Variants in CNTNAP5 observed in about 807,000 individuals in gnomAD.
CNTNAP5 encodes contactin-associated protein-like 5.
In CNTNAP5, 72 loss-of-function variants were observed where a neutral mutation model predicts 150.2. The observed-to-expected ratio is 0.48, with a 90% CI of 0.40 to 0.58. The LOEUF is 0.58. CNTNAP5 is among the 20% of genes least tolerant of loss of function. The pLI is 0.00. For synonymous variants in CNTNAP5, 672 were observed against 619.8 expected, an observed-to-expected ratio of 1.08 and a Z score of -1.25; for missense variants, 1,636 against 1,626.2, an observed-to-expected ratio of 1.01 and a Z score of -0.10.
At chr2:124,685,397 A>G (rs186044846) in intron 13 of CNTNAP5, among the ~76,000 whole-genome samples, 83 of 152,242 alleles carry the variant, frequency 5.5e-4, no homozygotes, top group Admixed American at 4.5e-3. Context: ...TCAATCACCT[A>G]TAGAAATATT....
rs773288027 is a variant in CNTNAP5, at chr2:124,609,947, CTT to C, written c.1876+28_1876+29del. 123 of 1,591,442 alleles carry C rather than the reference CTT, an allele frequency of 7.7e-5. No homozygotes were observed. The African/African-American group carries it at 1.5e-3, about 19-fold the overall frequency. ...TAAGGGTGCAGTAGCCCTACTCACA[CTT>C]AACCACCCCACTTCATGGAAGGAAG... On this transcript the variant is annotated intron_variant, in intron 12 of 23. Coordinates refer to ENST00000682447, the MANE Select transcript of CNTNAP5 (RefSeq NM_001367498.1).
At chr2:124,567,876 GATAGAT>G (rs1696067901) in intron 11 of CNTNAP5, among the ~76,000 whole-genome samples, 2 of 147,474 alleles carry the variant, frequency 1.4e-5, no homozygotes, top group African/African-American at 2.7e-5. Flanking sequence ...TAGATAGATA[GATAGAT>G]ATAGATAGAT....
At position 124,429,048 on chromosome 2, in the gene CNTNAP5, C is replaced by G. The variant is rs151199646; in HGVS notation, c.530-5436C>G. Among the ~76,000 whole-genome samples the G allele has an allele frequency of 2.0e-5, 3 of 152,244 alleles. No homozygotes were observed. In the East Asian group the frequency reaches 5.8e-4, roughly 29 times the overall value. ...GATTTTGATTTCTATAACCAGACCC[C>G]ATGCAGCAAATTAAGTTCCAAAGAG... On this transcript the variant is annotated intron_variant, in intron 4 of 23. Transcript: ENST00000682447.
chr2:124,450,058 AT>A (rs11359684), intron 6 of CNTNAP5, among the ~76,000 whole-genome samples: 30,607 of 152,016 alleles, frequency 0.2, 3,402 homozygotes, highest in East Asian at 0.33. Flanking sequence ...TCTAAGGTCT[AT>A]TTTATCACAA....
At chr2:124,192,101 C>T (rs1410086538) in intron 1 of CNTNAP5, among the ~76,000 whole-genome samples, 1 of 152,080 alleles carries the variant, frequency 6.6e-6, no homozygotes, top group African/African-American at 2.4e-5. Context: ...TGCTTTGTGT[C>T]AAACTTGCAG....
intron 22 of CNTNAP5, among the ~76,000 whole-genome samples, chr2:124,903,343 C>T (rs887438699): frequency 3.3e-5 from 5 of 151,780 alleles, no homozygotes; most frequent in Admixed American, 2.0e-4. Flanking sequence ...TTATTATGCA[C>T]GTATATAATG....
At chr2:124,159,318 A>G (rs1684619144) in intron 1 of CNTNAP5, among the ~76,000 whole-genome samples, 1 of 152,208 alleles carries the variant, frequency 6.6e-6, no homozygotes, top group African/African-American at 2.4e-5. Context: ...AGGGCTAGAT[A>G]GTAAATATTT....
At chr2:124,071,495 A>C (rs1470074912) in intron 1 of CNTNAP5, among the ~76,000 whole-genome samples, 1 of 151,936 alleles carries the variant, frequency 6.6e-6, no homozygotes, top group East Asian at 1.9e-4. Flanking sequence ...CAGATAAATA[A>C]AATTGGAGAT....
intron 12 of CNTNAP5, among the ~76,000 whole-genome samples, chr2:124,626,880 A>G (rs1254863273): frequency 6.6e-6 from 1 of 151,922 alleles, no homozygotes; most frequent in Non-Finnish European, 1.5e-5. Context: ...GGGAGGAGTG[A>G]CCATCATTAC....
intron 2 of CNTNAP5, among the ~76,000 whole-genome samples, chr2:124,235,990 A>C (rs914196861): frequency 6.6e-6 from 1 of 151,072 alleles, no homozygotes; most frequent in African/African-American, 2.4e-5. Flanking sequence ...TTTAGTGATG[A>C]AGTCCCACTC....
chr2:124,204,274 A>G (rs1425950326), intron 1 of CNTNAP5, among the ~76,000 whole-genome samples: 1 of 152,166 alleles, frequency 6.6e-6, no homozygotes, highest in Non-Finnish European at 1.5e-5. Context: ...CCAGTTTCCA[A>G]CAAGTTCCTC....
chr2:124,319,824 C>T (rs540451371), intron 3 of CNTNAP5, among the ~76,000 whole-genome samples: 2 of 152,280 alleles, frequency 1.3e-5, no homozygotes, highest in South Asian at 2.1e-4. Flanking sequence ...AAAATTGCCT[C>T]AAGTGAAAAC....
At chr2:124,783,943 G>C (rs1681508095) in intron 17 of CNTNAP5, among the ~76,000 whole-genome samples, 1 of 152,042 alleles carries the variant, frequency 6.6e-6, no homozygotes, top group South Asian at 2.1e-4. Context: ...TTTCCTCCTG[G>C]TACCAAGATT....
At chr2:124,149,024 T>C (rs1684336470) in intron 1 of CNTNAP5, among the ~76,000 whole-genome samples, 1 of 152,172 alleles carries the variant, frequency 6.6e-6, no homozygotes, top group Non-Finnish European at 1.5e-5. Flanking sequence ...ATAGTTTTCC[T>C]TGAATGTACT....
chr2:124,718,319 T>C (rs1377819), intron 13 of CNTNAP5, among the ~76,000 whole-genome samples: 149,845 of 152,314 alleles, frequency 0.98, 73,747 homozygotes, highest in East Asian at 1. Flanking sequence ...CCTATTTCTG[T>C]TTCATTAGTC....
intron 10 of CNTNAP5, among the ~76,000 whole-genome samples, chr2:124,559,060 C>T (rs1394932754): frequency 6.6e-6 from 1 of 152,188 alleles, no homozygotes; most frequent in African/African-American, 2.4e-5. Flanking sequence ...AACAGCAAAA[C>T]ACAGTACAAA....
intron 13 of CNTNAP5, among the ~76,000 whole-genome samples, chr2:124,723,898 C>A (rs941768832): frequency 6.6e-6 from 1 of 152,090 alleles, no homozygotes; most frequent in South Asian, 2.1e-4. Context: ...GTAATCCCAG[C>A]ACTTTGGGAG....
intron 13 of CNTNAP5, among the ~76,000 whole-genome samples, chr2:124,660,964 A>G (rs1053556643): frequency 2.0e-5 from 3 of 148,742 alleles, no homozygotes; most frequent in African/African-American, 7.4e-5. Context: ...AAAAAAAAAG[A>G]AAAAGAAAAA....
Position 124,609,870 on chromosome 2 carries a change from C to T in CNTNAP5, c.1826C>T (p.Ser609Leu). Residue 609 changes from serine to leucine, a missense_variant, in exon 12 of 24, where the codon TCA becomes TTA. By Grantham distance (145) the Ser-to-Leu change is moderately radical. Coordinates refer to ENST00000682447, the MANE Select transcript of CNTNAP5 (RefSeq NM_001367498.1). The part of the protein sequence containing the change: ...GNTAGFFYID[S>L]DGSGPLGPLQ... ...ACAGCCGGCTTCTTCTACATCGACT[C>T]AGATGGCAGCGGCCCACTGGGACCT... 6.2e-7 allele frequency: 1 copy of T among 1,613,998 alleles called. No individual in the cohort carries two copies. The highest frequency in any genetic ancestry group is 8.5e-7 in the Non-Finnish European group (1 of 1,179,890).
Sources: gnomAD v4.1 joint callset for allele counts (sites outside exome capture counted in the v4.1 genomes callset) on GRCh38, gnomAD v4.1.1 for gene constraint, MANE v1.5 for transcripts, NCBI Gene and HGNC (gene_info 2026-07-23, HGNC 2026-07-21) for gene names.